CTNNA3: variants seen among roughly 807,000 people sequenced by gnomAD.
CTNNA3 encodes the protein catenin alpha 3, also known as catenin alpha-3.
Under a neutral mutation model 95.7 loss-of-function variants are expected in CTNNA3, and 76 were observed. That is an observed-to-expected ratio of 0.79 (90% CI 0.66 to 0.96). The LOEUF (loss-of-function observed/expected upper bound fraction) is 0.96. CTNNA3 is among the 40% of genes least tolerant of loss of function. The pLI, the probability that CTNNA3 is intolerant of heterozygous loss-of-function variation, is 0.00. For synonymous variants in CTNNA3, 431 were observed against 374.4 expected (o/e 1.15, Z -1.74); for missense variants, 1,191 against 1,089.8 (o/e 1.09, Z -1.31).
intron 5 of CTNNA3, among the ~76,000 whole-genome samples, chr10:67,331,769 A>G (rs1841803353): frequency 1.3e-5 from 2 of 152,226 alleles, no homozygotes; most frequent in African/African-American, 4.8e-5. Context: ...TAATATTTTT[A>G]GAGATGTTGA....
At chr10:67,606,517 A>G (rs1430313568) in intron 3 of CTNNA3, among the ~76,000 whole-genome samples, 1 of 152,234 alleles carries the variant, frequency 6.6e-6, no homozygotes, top group African/African-American at 2.4e-5. Context: ...TTATTTATGT[A>G]TAGACAAATA....
intron 1 of CTNNA3, among the ~76,000 whole-genome samples, chr10:67,669,116 C>T (rs1461248632): frequency 6.6e-6 from 1 of 152,026 alleles, no homozygotes; most frequent in East Asian, 1.9e-4. Flanking sequence ...TATTGTATTT[C>T]ATTTATCTTC....
chr10:66,033,776 A>C (rs3847338), intron 15 of CTNNA3, among the ~76,000 whole-genome samples: 28,568 of 152,118 alleles, frequency 0.19, 2,860 homozygotes, highest in Admixed American at 0.25. Flanking sequence ...TTCAGACCCA[A>C]CCAGATGACA....
intron 10 of CTNNA3, among the ~76,000 whole-genome samples, chr10:66,570,807 C>T (rs979567527): frequency 6.6e-6 from 1 of 151,984 alleles, no homozygotes; most frequent in African/African-American, 2.4e-5. Flanking sequence ...CCTTTATCCT[C>T]TGAAAGAAAG....
At chr10:67,701,139 C>G (rs567250810), upstream of CTNNA3, among the ~76,000 whole-genome samples, 7 of 152,294 alleles carry the variant, frequency 4.6e-5, no homozygotes, top group East Asian at 1.3e-3. Flanking sequence ...AAGACCAAAT[C>G]TACGTCTGAT....
At chr10:67,474,048 T>C (rs908612072) in intron 5 of CTNNA3, among the ~76,000 whole-genome samples, 42 of 152,152 alleles carry the variant, frequency 2.8e-4, no homozygotes. Context: ...CCTCATTGAG[T>C]AATAAAGTAA....
intron 7 of CTNNA3, chr10:67,097,915 A>AT: frequency 1.2e-6 from 1 of 838,532 alleles, no homozygotes. Context: ...CCCTGTTCAA[A>AT]TAAACAAAAA....
At chr10:66,821,987 C>T (rs1156900572) in intron 7 of CTNNA3, among the ~76,000 whole-genome samples, 1 of 151,742 alleles carries the variant, frequency 6.6e-6, no homozygotes, top group African/African-American at 2.4e-5. Flanking sequence ...TTGAAGCACA[C>T]TGTTTAAATT....
intron 8 of CTNNA3, among the ~76,000 whole-genome samples, chr10:66,769,280 C>A (rs1839988985): frequency 6.6e-6 from 1 of 152,172 alleles, no homozygotes; most frequent in Non-Finnish European, 1.5e-5. Context: ...GTGACTTGAG[C>A]TGGATGTGAA....
intron 7 of CTNNA3, among the ~76,000 whole-genome samples, chr10:66,840,364 TCTCTCTCTCACACACACACACACA>T (rs1332740690): frequency 3.3e-4 from 31 of 92,976 alleles, no homozygotes; most frequent in African/African-American, 1.8e-3. Context: ...TCTCTCTCTC[TCTCTCTCTCACACACACACACACA>T]CACACACACA....
At chr10:67,563,642 G>T (rs1841629050) in intron 3 of CTNNA3, among the ~76,000 whole-genome samples, 1 of 152,068 alleles carries the variant, frequency 6.6e-6, no homozygotes. Flanking sequence ...ATTGACAAAT[G>T]GGATCTAATT....
At chr10:66,993,200 T>C (rs1437369177) in intron 7 of CTNNA3, among the ~76,000 whole-genome samples, 2 of 152,110 alleles carry the variant, frequency 1.3e-5, no homozygotes, top group African/African-American at 4.8e-5. Flanking sequence ...TTTTTCTCCA[T>C]GTGGGTATCT....
At chr10:66,307,786 A>T (rs1201976583) in intron 12 of CTNNA3, among the ~76,000 whole-genome samples, 1 of 152,230 alleles carries the variant, frequency 6.6e-6, no homozygotes. Flanking sequence ...CATTATCTAA[A>T]ACATATCCTT....
In CTNNA3 at chr10:66,680,018, C is replaced by T. The variant is rs141148372; in HGVS notation, c.1282-58234G>A. ...ATGGTGAGCAGTATCTTTTTTTTGACACGGATTCTCTGTCACCAGGCTGGA... is the reference window on the plus strand; with the variant it reads ...ATGGTGAGCAGTATCTTTTTTTTGATACGGATTCTCTGTCACCAGGCTGGA... On this transcript the variant is annotated intron_variant, in intron 9 of 17. Transcript: ENST00000433211. 4.3e-3 allele frequency among the ~76,000 whole-genome samples: 649 copies of T among 152,022 alleles called. 3 individuals are homozygous for T. The highest frequency in any genetic ancestry group is 0.015 in the African/African-American group (615 of 41,482).
At chr10:66,777,292 C>G (rs971133359) in intron 7 of CTNNA3, among the ~76,000 whole-genome samples, 1 of 151,758 alleles carries the variant, frequency 6.6e-6, no homozygotes, top group Non-Finnish European at 1.5e-5. Context: ...TCAGCTGCCT[C>G]CTATAGGAAG....
At chr10:67,035,586 T>A (rs762479735) in intron 7 of CTNNA3, among the ~76,000 whole-genome samples, 9 of 152,166 alleles carry the variant, frequency 5.9e-5, no homozygotes, top group Admixed American at 2.0e-4. Context: ...CCAAAAACCC[T>A]ATCAGAAGCT....
At chr10:66,201,353 G>A (rs558682498) in intron 13 of CTNNA3, among the ~76,000 whole-genome samples, 6 of 152,038 alleles carry the variant, frequency 3.9e-5, no homozygotes, top group East Asian at 1.9e-4. Flanking sequence ...CACCTTTTTC[G>A]GTTGGTGTTA....
chr10:66,669,789 A>T (rs1380885051), intron 9 of CTNNA3, among the ~76,000 whole-genome samples: 1 of 152,066 alleles, frequency 6.6e-6, no homozygotes, highest in Non-Finnish European at 1.5e-5. Context: ...TAAAGAGAGG[A>T]TTCATCTTTA....
At chr10:66,519,835 G>A (rs564569057) in intron 11 of CTNNA3, among the ~76,000 whole-genome samples, 2 of 152,226 alleles carry the variant, frequency 1.3e-5, no homozygotes, top group South Asian at 4.1e-4. Flanking sequence ...TGCGTGTCCT[G>A]AACTTTGGCA....
Sources: allele counts gnomAD v4.1 joint callset (sites outside exome capture counted in the v4.1 genomes callset), GRCh38; gene constraint gnomAD v4.1.1; transcripts MANE v1.5; gene names NCBI Gene and HGNC (gene_info 2026-07-23, HGNC 2026-07-21).